CHID1: variants seen among roughly 807,000 people sequenced by gnomAD.
The protein encoded by CHID1 is chitinase domain containing 1.
In CHID1, 44 loss-of-function variants were observed where a neutral mutation model predicts 55.4. The observed-to-expected ratio is 0.79, with a 90% CI of 0.62 to 1.02. The LOEUF (loss-of-function observed/expected upper bound fraction) is 1.02, where lower values mean the gene tolerates loss of function less well. Ranked by LOEUF, CHID1 falls within the 50% of genes least tolerant of loss-of-function variation. The pLI is 0.00. For missense variants in CHID1, 491 were observed against 515.3 expected (o/e 0.95, Z 0.46); for synonymous variants, 216 against 212.9 (o/e 1.01, Z -0.13).
At chr11:889,613 G>A (rs1278708364) in intron 8 of CHID1, among the ~76,000 whole-genome samples, 2 of 152,116 alleles carry the variant, frequency 1.3e-5, no homozygotes, top group Non-Finnish European at 2.9e-5. Flanking sequence ...TGAGGAAGGC[G>A]TGGGCTTGGC....
intron 1 of CHID1, among the ~76,000 whole-genome samples, chr11:905,119 G>C (rs967115735): frequency 3.9e-5 from 6 of 152,182 alleles, no homozygotes; most frequent in Non-Finnish European, 8.8e-5. Context: ...ATCAGCCACA[G>C]AACCCTCCCC....
Position 902,954 on chromosome 11 carries a change from C to T in CHID1, c.261+8G>A. On this transcript the variant is annotated splice_region_variant and intron_variant, in intron 3 of 12. Coordinates refer to ENST00000323578, the MANE Select transcript of CHID1 (RefSeq NM_023947.4). ...ACCTCCCTCTGCACTGTGAGGGCCC[C>T]AACTTACTGGAGTGACATAGCCCAG... is the stretch of plus-strand genomic sequence containing the variant. 6.2e-7 allele frequency: 1 copy of T among 1,612,700 alleles called. No individual in the cohort carries two copies.
intron 8 of CHID1, among the ~76,000 whole-genome samples, chr11:891,202 T>A (rs1395282065): frequency 6.6e-6 from 1 of 152,034 alleles, no homozygotes; most frequent in Non-Finnish European, 1.5e-5. Flanking sequence ...CCCCGCCGAC[T>A]GGGAGGGCAC....
chr11:893,610 G>A, intron 7 of CHID1, 91 bp from the exon 8 acceptor site: 1 of 1,053,744 alleles, frequency 9.5e-7, no homozygotes, highest in South Asian at 1.6e-5. Flanking sequence ...GAGGGGTGGG[G>A]CTGGTCCCCA....
chr11:902,087 TACAGAGACACCC>T (rs1330029527), intron 4 of CHID1, 99 bp downstream of exon 4: 1 of 1,285,644 alleles, frequency 7.8e-7, no homozygotes, highest in East Asian at 2.4e-5. Context: ...CACACTCCCA[TACAGAGACACCC>T]ACAGAGACAT....
rs1281265613 is a variant in CHID1, at chr11:904,808, T to C, written c.9A>G (p.Thr3=). MR[T]LFNLLWLALA... is the part of the protein sequence containing the mutation. ...GGGCAAGCCAGAGGAGGTTGAAGAG[T>C]GTCCGCATGGTAGGTGTGTCACAGT... Residue 3 remains threonine, a synonymous_variant, in exon 2 of 13, where the codon ACA becomes ACG. Coordinates refer to ENST00000323578, the MANE Select transcript of CHID1 (RefSeq NM_023947.4). 2 of 1,613,532 alleles carry C rather than the reference T, an allele frequency of 1.2e-6. No individual in the cohort carries two copies. Among genetic ancestry groups the C allele is most frequent in the South Asian group, 1.1e-5 (1 of 91,074 alleles).
chr11:879,061 T>C (rs879441175), intron 10 of CHID1, among the ~76,000 whole-genome samples: 3 of 152,192 alleles, frequency 2.0e-5, no homozygotes, highest in Non-Finnish European at 2.9e-5. Flanking sequence ...TTAGCCAGGA[T>C]GGTCTCTATC....
At chr11:901,126 C>T in intron 4 of CHID1, 146 bp from the exon 5 acceptor site, 1 of 639,460 alleles carries the variant, frequency 1.6e-6, no homozygotes, top group Non-Finnish European at 2.6e-6. Context: ...CCACCCCTCC[C>T]TGGCCCAGGG....
At chr11:873,561 C>T (rs970988305) in intron 10 of CHID1, among the ~76,000 whole-genome samples, 34 of 152,030 alleles carry the variant, frequency 2.2e-4, no homozygotes, top group Admixed American at 9.2e-4. Context: ...GCAGGGAGCA[C>T]TGCAGGAGCC....
At chr11:909,135 T>G (rs1234722823) in intron 1 of CHID1, among the ~76,000 whole-genome samples, 1 of 152,220 alleles carries the variant, frequency 6.6e-6, no homozygotes. Context: ...GTGCTCACAC[T>G]GCAACCAGGC....
At chr11:899,510 C>T (rs1851642855) in intron 6 of CHID1, 109 bp from the exon 7 acceptor site, 1 of 1,023,682 alleles carries the variant, frequency 9.8e-7, no homozygotes, top group Admixed American at 2.0e-5. Context: ...GGCCTGGTCA[C>T]TCACGAGGCA....
Position 869,862 on chromosome 11 carries a change from A to G in CHID1, c.1178T>C (p.Leu393Pro). ...GQGLDYFYDL[L>P] The stretch of plus-strand genomic sequence containing the variant: ...CGCGGAGGCCGCAATGCCCACCTAG[A>G]GCAGGTCGTAGAAGTAGTCCAGGCC... Residue 393 changes from leucine (L) to proline (P), a missense_variant, in exon 13 of 13, where the codon CTC (leucine) becomes CCC (proline). Leu to Pro is a moderately conservative substitution (Grantham distance 98, BLOSUM62 -3). Transcript: ENST00000323578. 2 of 1,612,840 alleles carry G rather than the reference A, an allele frequency of 1.2e-6. No homozygotes were observed. The highest frequency in any genetic ancestry group is 1.7e-6 in the Non-Finnish European group (2 of 1,179,738).
intron 10 of CHID1, among the ~76,000 whole-genome samples, chr11:879,851 C>A (rs1309620795): frequency 1.3e-5 from 2 of 152,238 alleles, no homozygotes; most frequent in African/African-American, 4.8e-5. Flanking sequence ...GGGCTGGGAG[C>A]CCAAGCTCTG....
chr11:911,973 TAGGAA>T (rs1476181544), upstream of CHID1, among the ~76,000 whole-genome samples: 1 of 152,186 alleles, frequency 6.6e-6, no homozygotes, highest in Non-Finnish European at 1.5e-5. Context: ...CAACTTCTCT[TAGGAA>T]AGGCACTTAG....
chr11:911,756 C>T (rs1852705778), upstream of CHID1, among the ~76,000 whole-genome samples: 1 of 152,222 alleles, frequency 6.6e-6, no homozygotes, highest in Admixed American at 6.5e-5. Context: ...GCATGCGGTG[C>T]GAGGCACGTC....
At position 900,012 on chromosome 11, in the gene CHID1, C is replaced by G. The variant is rs751719046; in HGVS notation, c.538G>C (p.Val180Leu). The G allele has an allele frequency of 8.1e-6, 13 of 1,613,470 alleles. No individual in the cohort carries two copies. Among genetic ancestry groups the G allele is most frequent in the Admixed American group, 5.0e-5 (3 of 59,992 alleles). The stretch of plus-strand genomic sequence containing the variant: ...CAGCACACAGGTCTCACCTTTGCCA[C>G]CTGGACCACGGTCTTGCTCAGCTCC... ...IEELSKTVVQ[V>L]AKNQHFDGFV... The change falls in exon 6 of 13, where the codon GTG becomes CTG. Residue 180 changes from valine to leucine, a missense_variant. Transcript: ENST00000323578.
chr11:873,749 C>CT (rs1455765799), intron 10 of CHID1, among the ~76,000 whole-genome samples: 5 of 152,090 alleles, frequency 3.3e-5, no homozygotes, highest in Admixed American at 1.3e-4. Flanking sequence ...CACAGGGCTT[C>CT]TTTTTTTGGG....
intron 8 of CHID1, among the ~76,000 whole-genome samples, chr11:885,088 G>A (rs1451447477): frequency 6.6e-6 from 1 of 152,232 alleles, no homozygotes; most frequent in African/African-American, 2.4e-5. Flanking sequence ...TGGGGGACGC[G>A]GCCGGAGGAG....
intron 7 of CHID1, among the ~76,000 whole-genome samples, chr11:897,489 C>T (rs1305231925): frequency 6.6e-6 from 1 of 152,348 alleles, no homozygotes. Flanking sequence ...GGAAGGTCAG[C>T]CCCGGCAGGG....
Sources: gnomAD v4.1 joint callset for allele counts (sites outside exome capture counted in the v4.1 genomes callset) on GRCh38, gnomAD v4.1.1 for gene constraint, MANE v1.5 for transcripts, NCBI Gene and HGNC (gene_info 2026-07-23, HGNC 2026-07-21) for gene names.